FAM135A: variants seen among roughly 807,000 people sequenced by gnomAD.
The protein encoded by FAM135A is protein FAM135A.
FAM135A carries 79 observed loss-of-function variants against 146.8 expected under a neutral mutation model. The observed-to-expected ratio is 0.54, with a 90% CI of 0.45 to 0.65. The LOEUF is 0.65. FAM135A is among the 30% of genes least tolerant of loss of function. The pLI, the probability that FAM135A is intolerant of heterozygous loss-of-function variation, is 0.00. For missense variants in FAM135A, 1,623 were observed against 1,758.2 expected, an observed-to-expected ratio of 0.92 and a Z score of 1.38; for synonymous variants, 562 against 603.6, an observed-to-expected ratio of 0.93 and a Z score of 1.01.
At chr6:70,436,336 C>T (rs939105817) in intron 4 of FAM135A, among the ~76,000 whole-genome samples, 12 of 152,116 alleles carry the variant, frequency 7.9e-5, no homozygotes, top group African/African-American at 2.2e-4. Flanking sequence ...TGAGAATACT[C>T]GATAAGAAGT....
chr6:70,508,012 C>A (rs1480252972), intron 12 of FAM135A, among the ~76,000 whole-genome samples: 1 of 151,996 alleles, frequency 6.6e-6, no homozygotes, highest in Non-Finnish European at 1.5e-5. Context: ...GACAAAGGAC[C>A]TTATTAATGG....
chr6:70,463,276 G>T (rs1185834741), intron 5 of FAM135A, among the ~76,000 whole-genome samples: 10 of 151,712 alleles, frequency 6.6e-5, no homozygotes, highest in African/African-American at 2.4e-5. Context: ...TTGAGATAGG[G>T]TCTTGCTCTG....
chr6:70,530,907 C>G (rs964156156), intron 16 of FAM135A, among the ~76,000 whole-genome samples: 2 of 152,142 alleles, frequency 1.3e-5, no homozygotes, highest in African/African-American at 4.8e-5. Flanking sequence ...AACTGAGGGT[C>G]CTGGGAATTT....
At chr6:70,482,284 C>A in intron 10 of FAM135A, 130 bp downstream of exon 10, 3 of 822,440 alleles carry the variant, frequency 3.6e-6, no homozygotes, top group Non-Finnish European at 5.1e-6. Flanking sequence ...ACTTCTCTAT[C>A]AATTCCATCT....
At chr6:70,446,141 CT>C (rs971210067) in intron 4 of FAM135A, among the ~76,000 whole-genome samples, 3 of 152,306 alleles carry the variant, frequency 2.0e-5, no homozygotes, top group African/African-American at 7.2e-5. Context: ...AATATTTGTT[CT>C]TTTAATTTTG....
At chr6:70,540,986 T>C (rs1338119180) in intron 20 of FAM135A, among the ~76,000 whole-genome samples, 1 of 152,206 alleles carries the variant, frequency 6.6e-6, no homozygotes, top group Non-Finnish European at 1.5e-5. Context: ...TGCTTTCTAC[T>C]TTATCTTTGA....
chr6:70,520,324 C>T (rs892675284), intron 12 of FAM135A, among the ~76,000 whole-genome samples: 7 of 152,000 alleles, frequency 4.6e-5, no homozygotes, highest in Non-Finnish European at 5.9e-5. Flanking sequence ...AACATTTGTT[C>T]AGTAAACATT....
intron 21 of FAM135A, among the ~76,000 whole-genome samples, chr6:70,559,051 A>G (rs915896978): frequency 6.6e-6 from 1 of 152,352 alleles, no homozygotes; most frequent in South Asian, 2.1e-4. Context: ...ATGTCTCACC[A>G]TGTCTAGCTT....
intron 12 of FAM135A, among the ~76,000 whole-genome samples, chr6:70,516,252 A>T (rs571185082): frequency 3.9e-4 from 59 of 150,558 alleles, no homozygotes; most frequent in African/African-American, 1.4e-3. Flanking sequence ...GGAACTTTTT[A>T]AAAGTTGTGC....
intron 20 of FAM135A, among the ~76,000 whole-genome samples, chr6:70,546,245 A>G (rs1259742431): frequency 2.0e-5 from 3 of 152,344 alleles, no homozygotes; most frequent in East Asian, 1.9e-4. Flanking sequence ...CCAATATGCT[A>G]TTCTCAAGTG....
chr6:70,522,516 C>T lies in FAM135A; in HGVS notation c.1033C>T (p.Arg345Cys), dbSNP rs199648023. The change falls in exon 13 of 22, where the codon CGC (arginine) becomes TGC (cysteine). Residue 345 changes from arginine (R) to cysteine (C), a missense_variant. Arg to Cys is a radical substitution (Grantham distance 180). This residue lies in a region of FAM135A where 23 missense variants were observed against 47.7 expected (regional missense o/e 0.48). Coordinates refer to ENST00000418814, the MANE Select transcript of FAM135A (RefSeq NM_001162529.3). ...ACTCTCCTTTGGAATTTTTTAGGTA[C>T]GCAGATTTTCTGAGGCATTCTTTTG... is the stretch of plus-strand genomic sequence containing the variant. ...LAQEHHTLRVRRFSEAFFCFE... is the reference protein window; with the variant it reads ...LAQEHHTLRVCRFSEAFFCFE... 1.1e-5 allele frequency: 17 copies of T among 1,612,022 alleles called. No homozygotes were observed. The highest frequency in any genetic ancestry group is 5.0e-5 in the Admixed American group (3 of 59,916).
intron 16 of FAM135A, among the ~76,000 whole-genome samples, chr6:70,528,959 T>G (rs1281935621): frequency 6.6e-6 from 1 of 151,962 alleles, no homozygotes; most frequent in Non-Finnish European, 1.5e-5. Context: ...GTTCCTGTGT[T>G]AGTTTGCTGA....
intron 10 of FAM135A, 146 bp downstream of exon 10, chr6:70,482,300 T>C: frequency 1.3e-6 from 1 of 741,778 alleles, no homozygotes; most frequent in Non-Finnish European, 1.9e-6. Flanking sequence ...CATCTTTTTC[T>C]ACCTTGATAA....
intron 2 of FAM135A, among the ~76,000 whole-genome samples, chr6:70,425,131 A>G (rs571975990): frequency 6.7e-6 from 1 of 149,926 alleles, no homozygotes; most frequent in Non-Finnish European, 1.5e-5. Context: ...CATATTACAC[A>G]CACACACAGA....
intron 12 of FAM135A, 128 bp downstream of exon 12, chr6:70,502,919 G>C: frequency 1.0e-6 from 1 of 976,592 alleles, no homozygotes; most frequent in East Asian, 2.6e-5. Flanking sequence ...TTGTCATATT[G>C]TTATTGTTTG....
intron 10 of FAM135A, among the ~76,000 whole-genome samples, chr6:70,484,334 A>G (rs932722331): frequency 4.6e-5 from 7 of 152,238 alleles, no homozygotes; most frequent in Non-Finnish European, 1.0e-4. Flanking sequence ...AGTAGATTTA[A>G]CATGTAATAT....
chr6:70,494,187 GA>G (rs2128226615), intron 11 of FAM135A, among the ~76,000 whole-genome samples: 1 of 151,300 alleles, frequency 6.6e-6, no homozygotes, highest in East Asian at 2.0e-4. Context: ...GTATATAATT[GA>G]AAAAAACTTG....
At chr6:70,446,324 T>C (rs971093206) in intron 4 of FAM135A, among the ~76,000 whole-genome samples, 1 of 152,202 alleles carries the variant, frequency 6.6e-6, no homozygotes, top group African/African-American at 2.4e-5. Context: ...TAATTCCAGA[T>C]AGTAGGAACT....
In FAM135A at chr6:70,430,438, C is replaced by T. The variant is rs575983788; in HGVS notation, c.77+2019C>T. On this transcript the variant is annotated intron_variant, in intron 4 of 21. Transcript: ENST00000418814. ...TCCATTGGCCAAGCAAGTCACAGTG[C>T]GAGGTCACGAGTCAGGCTGGTGGCT... 1.7e-3 allele frequency among the ~76,000 whole-genome samples: 258 copies of T among 152,246 alleles called. 3 individuals are homozygous for T. The highest frequency in any genetic ancestry group is 0.012 in the South Asian group (58 of 4,824).
Sources: allele counts gnomAD v4.1 joint callset (sites outside exome capture counted in the v4.1 genomes callset), GRCh38; gene constraint gnomAD v4.1.1; regional missense constraint gnomAD v4.1.1; transcripts MANE v1.5; gene names NCBI Gene and HGNC (gene_info 2026-07-23, HGNC 2026-07-21).